Variants in CADM1 observed in about 807,000 individuals in gnomAD.
The protein encoded by CADM1 is cell adhesion molecule 1.
CADM1 carries 15 observed loss-of-function variants against 53.1 expected under a neutral mutation model. The observed-to-expected ratio is 0.28, with a 90% confidence interval of 0.19 to 0.44. The LOEUF (loss-of-function observed/expected upper bound fraction) is 0.44, where lower values mean the gene tolerates loss of function less well. CADM1 is among the 20% of genes least tolerant of loss of function. CADM1 has a pLI of 1.00. For missense variants in CADM1, 434 were observed against 611.3 expected (o/e 0.71, Z 3.06); for synonymous variants, 281 against 243.0 (o/e 1.16, Z -1.45).
intron 10 of CADM1, among the ~76,000 whole-genome samples, chr11:115,179,918 C>A (rs1939229551): frequency 6.6e-6 from 1 of 152,192 alleles, no homozygotes; most frequent in Non-Finnish European, 1.5e-5. Context: ...GTCCCCCTTG[C>A]AGTTGCTGGA....
chr11:115,370,980 T>C (rs1007122148), intron 1 of CADM1, among the ~76,000 whole-genome samples: 1 of 152,088 alleles, frequency 6.6e-6, no homozygotes, highest in African/African-American at 2.4e-5. Flanking sequence ...ACAATAACAA[T>C]TATAAAAAAG....
At chr11:115,202,901 AAAT>A (rs1240105086) in intron 8 of CADM1, among the ~76,000 whole-genome samples, 1 of 152,016 alleles carries the variant, frequency 6.6e-6, no homozygotes, top group Non-Finnish European at 1.5e-5. Flanking sequence ...TCGAAAACAA[AAAT>A]AACTGCTGGA....
intron 1 of CADM1, among the ~76,000 whole-genome samples, chr11:115,300,053 G>A (rs569216821): frequency 6.6e-6 from 1 of 152,088 alleles, no homozygotes; most frequent in Non-Finnish European, 1.5e-5. Context: ...TACTCTAAAT[G>A]TATTATAAAA....
At position 115,193,556 on chromosome 11, in the gene CADM1, T is replaced by C. The variant is rs45628237; in HGVS notation, c.1112-2615A>G. Among the ~76,000 whole-genome samples the C allele has an allele frequency of 2.8e-3, 429 of 152,264 alleles. 1 individual carries two copies. The highest frequency in any genetic ancestry group is 4.0e-3 in the Non-Finnish European group (272 of 68,016). ...GTGATTCTTCCTTTTCAACAGTAATTGCTGGCTTCTAAAAGTGATACAATG... is the reference window on the plus strand; with the variant it reads ...GTGATTCTTCCTTTTCAACAGTAATCGCTGGCTTCTAAAAGTGATACAATG... On this transcript the variant is annotated intron_variant, in intron 9 of 11. Coordinates refer to ENST00000331581, the MANE Select transcript of CADM1 (RefSeq NM_001301043.2).
chr11:115,240,426 A>G lies in CADM1; in HGVS notation c.125-6T>C. 6.2e-7 allele frequency: 1 copy of G among 1,613,598 alleles called. No homozygotes were observed. The highest frequency in any genetic ancestry group is 8.5e-7 in the Non-Finnish European group (1 of 1,179,722). ...AAACAGATTCTGCCCATCACCTTAA[A>G]AAAAGGGAAGAAAAGGTCAGAGGAA... is the stretch of plus-strand genomic sequence containing the variant. On this transcript the variant is annotated splice_region_variant and splice_polypyrimidine_tract_variant and intron_variant, in intron 1 of 11. Coordinates refer to ENST00000331581, the MANE Select transcript of CADM1 (RefSeq NM_001301043.2).
intron 1 of CADM1, among the ~76,000 whole-genome samples, chr11:115,394,219 T>A (rs1946927201): frequency 2.0e-5 from 3 of 152,200 alleles, no homozygotes; most frequent in Admixed American, 2.0e-4. Context: ...TAAAATTACA[T>A]CAGATCTCTA....
At chr11:115,383,148 A>C (rs1946619520) in intron 1 of CADM1, among the ~76,000 whole-genome samples, 1 of 152,222 alleles carries the variant, frequency 6.6e-6, no homozygotes, top group East Asian at 1.9e-4. Flanking sequence ...TTTTAACAGT[A>C]AACCTGCATC....
intron 9 of CADM1, 52 bp downstream of exon 9, chr11:115,198,354 C>G: frequency 6.9e-7 from 1 of 1,442,740 alleles, no homozygotes; most frequent in East Asian, 2.3e-5. Flanking sequence ...CCAGGCTTGC[C>G]TTGCCTCTCA....
intron 1 of CADM1, among the ~76,000 whole-genome samples, chr11:115,308,368 A>G (rs1944443375): frequency 6.6e-6 from 1 of 151,942 alleles, no homozygotes; most frequent in Non-Finnish European, 1.5e-5. Flanking sequence ...ATTGAAGCTC[A>G]GACATAAAAA....
chr11:115,420,732 T>C (rs1591212865), intron 1 of CADM1, among the ~76,000 whole-genome samples: 1 of 152,218 alleles, frequency 6.6e-6, no homozygotes. Context: ...ACATTTGAGC[T>C]GTAAATCTTA....
chr11:115,215,692 C>T (rs1465236053), intron 6 of CADM1, among the ~76,000 whole-genome samples: 3 of 152,200 alleles, frequency 2.0e-5, no homozygotes, highest in Admixed American at 1.3e-4. Context: ...TGCATACACA[C>T]CAAGTATCTT....
At chr11:115,344,398 T>C (rs1197771571) in intron 1 of CADM1, among the ~76,000 whole-genome samples, 1 of 152,204 alleles carries the variant, frequency 6.6e-6, no homozygotes, top group Non-Finnish European at 1.5e-5. Flanking sequence ...AGTAGTCTTT[T>C]ACACCCTCCA....
At chr11:115,499,384 T>C (rs908670531) in intron 1 of CADM1, among the ~76,000 whole-genome samples, 2 of 152,258 alleles carry the variant, frequency 1.3e-5, no homozygotes, top group African/African-American at 4.8e-5. Context: ...ATGACATTTC[T>C]GTTGCGGCTG....
chr11:115,244,617 C>T (rs1837442693), intron 1 of CADM1, among the ~76,000 whole-genome samples: 1 of 152,270 alleles, frequency 6.6e-6, no homozygotes, highest in Admixed American at 6.5e-5. Context: ...GCTAAGTGGC[C>T]AAGCTGATGC....
chr11:115,186,647 CCAAGAGCCCT>C (rs1565284892), intron 10 of CADM1, among the ~76,000 whole-genome samples: 3 of 152,142 alleles, frequency 2.0e-5, no homozygotes, highest in Non-Finnish European at 2.9e-5. Context: ...TAAATGGAGA[CCAAGAGCCCT>C]TCCTTAACAA....
At chr11:115,357,073 T>C (rs573878698) in intron 1 of CADM1, among the ~76,000 whole-genome samples, 22 of 152,134 alleles carry the variant, frequency 1.4e-4, no homozygotes, top group Admixed American at 8.5e-4. Flanking sequence ...GTGAAGAAAA[T>C]TGAAATATAT....
chr11:115,174,114 C>T lies in CADM1; in HGVS notation c.*2360G>A, dbSNP rs548065691. 67 of 985,192 alleles carry T rather than the reference C, an allele frequency of 6.8e-5. No homozygotes were observed. In the Admixed American group the frequency reaches 1.2e-3, roughly 18 times the overall value. The allele number at this position is 985,192 out of a possible 1,614,324, so 61.0% of individuals were successfully genotyped here. A position where few individuals can be genotyped will look rare whatever the true frequency, so the allele number is the denominator to read the frequency against. On this transcript the variant is annotated 3_prime_UTR_variant, in exon 12 of 12. Transcript: ENST00000331581. ...CCTACACTTTGCAATCTACCTGAGA[C>T]GGAAAACACCAATCGCAACACATGA...
Position 115,173,636 on chromosome 11 carries a change from C to T in CADM1, c.*2838G>A, listed in dbSNP as rs1938876358. 2 of 325,792 alleles carry T rather than the reference C, an allele frequency of 6.1e-6. No homozygotes were observed. Among genetic ancestry groups the T allele is most frequent in the Non-Finnish European group, 8.7e-6 (2 of 229,954 alleles). The allele number at this position is 325,792 out of a possible 1,614,324, so 20.2% of individuals were successfully genotyped here. A position where few individuals can be genotyped will look rare whatever the true frequency, so the allele number is the denominator to read the frequency against. On this transcript the variant is annotated 3_prime_UTR_variant, in exon 12 of 12. Coordinates refer to ENST00000331581, the MANE Select transcript of CADM1 (RefSeq NM_001301043.2). ...AAGAGATTAAAGGATCACTTTGTAA[C>T]ATTAATTTTTTTTTATTAAGAAGAC...
chr11:115,279,028 G>C (rs1215175472), intron 1 of CADM1, among the ~76,000 whole-genome samples: 2 of 152,134 alleles, frequency 1.3e-5, no homozygotes, highest in Non-Finnish European at 2.9e-5. Context: ...TTTTCCAAGT[G>C]AGCTCAAGGG....
Sources: gnomAD v4.1 joint callset for allele counts (sites outside exome capture counted in the v4.1 genomes callset) on GRCh38, gnomAD v4.1.1 for gene constraint, MANE v1.5 for transcripts, NCBI Gene and HGNC (gene_info 2026-07-23, HGNC 2026-07-21) for gene names.